OR51B5: variants seen among roughly 807,000 people sequenced by gnomAD.
OR51B5 encodes the protein olfactory receptor 51B5.
For synonymous variants in OR51B5, 186 were observed against 144.8 expected (o/e 1.28, Z -2.04); for missense variants, 456 against 374.6 (o/e 1.22, Z -1.79).
At chr11:5,343,714 G>T, upstream of OR51B5, 2 of 486,578 alleles carry the variant, frequency 4.1e-6, no homozygotes, top group East Asian at 6.4e-5. Context: ...ATTCTTAACT[G>T]CACATTCCAG....
At chr11:5,418,645 AC>A (rs958810459) in intron 1 of OR51B5, among the ~76,000 whole-genome samples, 5 of 150,550 alleles carry the variant, frequency 3.3e-5, no homozygotes, top group African/African-American at 4.9e-5. Context: ...ACCAAACACC[AC>A]ATGTTCTCAT....
intron 1 of OR51B5, chr11:5,489,223 G>T: frequency 1.2e-6 from 2 of 1,613,938 alleles, no homozygotes; most frequent in Non-Finnish European, 1.7e-6. Context: ...CCCCTACTGT[G>T]GTCACCGTGT....
intron 1 of OR51B5, among the ~76,000 whole-genome samples, chr11:5,492,118 T>C (rs959835932): frequency 2.6e-5 from 4 of 152,098 alleles, no homozygotes; most frequent in African/African-American, 9.7e-5. Context: ...TTTTAAGTAA[T>C]TCAGCACTGG....
chr11:5,471,663 A>T (rs1358869756), intron 1 of OR51B5, among the ~76,000 whole-genome samples: 2 of 152,092 alleles, frequency 1.3e-5, no homozygotes, highest in African/African-American at 4.8e-5. Flanking sequence ...TGATCAAATA[A>T]AACATTTTAT....
chr11:5,403,687 T>A, intron 1 of OR51B5: 1 of 363,736 alleles, frequency 2.7e-6, no homozygotes, highest in Admixed American at 3.5e-5. Flanking sequence ...AGTCTGTCCA[T>A]GAACTGAGGT....
At chr11:5,361,344 G>A (rs530155719) in intron 1 of OR51B5, among the ~76,000 whole-genome samples, 5 of 152,276 alleles carry the variant, frequency 3.3e-5, no homozygotes, top group African/African-American at 7.2e-5. Flanking sequence ...GGAGGGAGGA[G>A]AGAGGAGTGG....
At position 5,473,702 on chromosome 11, in the gene OR51B5, G is replaced by C. The variant is rs577098312; in HGVS notation, n.84+31867C>G. Among the ~76,000 whole-genome samples, 86 of 152,232 alleles carry C rather than the reference G, an allele frequency of 5.6e-4. 1 individual carries two copies. Among genetic ancestry groups the C allele is most frequent in the Admixed American group, 9.2e-4 (14 of 15,288 alleles). On this transcript the variant is annotated intron_variant and non_coding_transcript_variant, in intron 1 of 4. Coordinates refer to the OR51B5 transcript ENST00000415970. The stretch of plus-strand genomic sequence containing the variant: ...CATACACATTTAGAGCATCAGAAGA[G>C]TATTCAAATTCTTTATAAATATATG...
chr11:5,481,656 C>A (rs1036118207), intron 1 of OR51B5, among the ~76,000 whole-genome samples: 3 of 141,146 alleles, frequency 2.1e-5, no homozygotes, highest in African/African-American at 8.4e-5. Flanking sequence ...GCAACTTCAG[C>A]AAAGTCTCAG....
intron 1 of OR51B5, among the ~76,000 whole-genome samples, chr11:5,404,123 G>A (rs1267313739): frequency 2.2e-5 from 3 of 133,964 alleles, no homozygotes; most frequent in Non-Finnish European, 3.2e-5. Flanking sequence ...TGTGAGAGGT[G>A]AAGCCAGCTG....
downstream of OR51B5, chr11:5,341,005 C>T (rs906016888): frequency 2.6e-5 from 4 of 152,124 alleles, no homozygotes; most frequent in South Asian, 6.2e-4. Context: ...GGTGACATGG[C>T]GTGACAAGGA....
chr11:5,471,891 C>A (rs1295790587), intron 1 of OR51B5, among the ~76,000 whole-genome samples: 1 of 152,088 alleles, frequency 6.6e-6, no homozygotes, highest in East Asian at 1.9e-4. Context: ...TATTCAGACT[C>A]CCGGCACAAG....
At chr11:5,477,871 A>T (rs1320462353) in intron 1 of OR51B5, among the ~76,000 whole-genome samples, 1 of 152,082 alleles carries the variant, frequency 6.6e-6, no homozygotes, top group Non-Finnish European at 1.5e-5. Flanking sequence ...ACGCCCACGG[A>T]GTCTCCCTGA....
chr11:5,373,783 A>G (rs1263272846), intron 1 of OR51B5, among the ~76,000 whole-genome samples: 2 of 152,180 alleles, frequency 1.3e-5, no homozygotes, highest in South Asian at 2.1e-4. Context: ...GGGGAGGGGC[A>G]GCCGCCATTG....
At position 5,363,434 on chromosome 11, in the gene OR51B5, C is replaced by T. The variant is rs370059642; in HGVS notation, n.85-16524G>A. ...ATTAATTGTTCCTTTAAGCCCTTAA[C>T]CTCTTGACACACATACACACACACT... On this transcript the variant is annotated intron_variant and non_coding_transcript_variant, in intron 1 of 4. Transcript: ENST00000415970. Among the ~76,000 whole-genome samples the T allele has an allele frequency of 1.2e-3, 171 of 138,970 alleles. 2 individuals are homozygous for T. Among genetic ancestry groups the T allele is most frequent in the African/African-American group, 4.3e-3 (161 of 37,134 alleles). The allele number at this position is 138,970 out of a possible 152,430, so 91.2% of individuals were successfully genotyped here. A position where few individuals can be genotyped will look rare whatever the true frequency, so the allele number is the denominator to read the frequency against.
chr11:5,373,296 G>C (rs376474723), intron 1 of OR51B5, among the ~76,000 whole-genome samples: 1 of 152,184 alleles, frequency 6.6e-6, no homozygotes, highest in Admixed American at 6.5e-5. Flanking sequence ...ATTTTCACTG[G>C]AAGTCTATAT....
chr11:5,460,967 T>C (rs1851040913), intron 1 of OR51B5, among the ~76,000 whole-genome samples: 1 of 152,124 alleles, frequency 6.6e-6, no homozygotes, highest in Non-Finnish European at 1.5e-5. Flanking sequence ...GCCAAGGTGC[T>C]CCCAGCTCAC....
intron 1 of OR51B5, among the ~76,000 whole-genome samples, chr11:5,491,311 A>G (rs1307234873): frequency 6.6e-6 from 1 of 152,236 alleles, no homozygotes; most frequent in African/African-American, 2.4e-5. Flanking sequence ...CAATTACAAG[A>G]AAAAGTATCA....
At chr11:5,359,432 ACAAGAGAGGTGAAGGACCTCTT>A (rs1849246590) in intron 1 of OR51B5, among the ~76,000 whole-genome samples, 1 of 127,116 alleles carries the variant, frequency 7.9e-6, no homozygotes, top group South Asian at 2.6e-4. Flanking sequence ...AATCCAACTT[ACAAGAGAGGTGAAGGACCTCTT>A]CAAGGAGAAC....
intron 1 of OR51B5, among the ~76,000 whole-genome samples, chr11:5,373,824 A>G (rs1177181315): frequency 2.0e-5 from 3 of 152,232 alleles, no homozygotes; most frequent in African/African-American, 7.2e-5. Flanking sequence ...CAAAGCAGCC[A>G]GGAAGCTCAA....
Sources: allele counts gnomAD v4.1 joint callset (sites outside exome capture counted in the v4.1 genomes callset), GRCh38; gene constraint gnomAD v4.1.1; transcripts MANE v1.5; gene names NCBI Gene and HGNC (gene_info 2026-07-23, HGNC 2026-07-21).